Variants in CCDC174 observed in about 807,000 individuals in gnomAD.
The protein encoded by CCDC174 is coiled-coil domain containing 174.
CCDC174 carries 37 observed loss-of-function variants against 57.1 expected under a neutral mutation model. The observed-to-expected ratio is 0.65, with a 90% CI of 0.50 to 0.85. The LOEUF (loss-of-function observed/expected upper bound fraction) is 0.85. CCDC174 is among the 40% of genes least tolerant of loss of function. The pLI is 0.00. For missense variants in CCDC174, 540 were observed against 574.3 expected, an observed-to-expected ratio of 0.94 and a Z score of 0.61; for synonymous variants, 182 against 190.2, an observed-to-expected ratio of 0.96 and a Z score of 0.35.
chr3:14,666,440 T>G (rs918754791), intron 6 of CCDC174, among the ~76,000 whole-genome samples: 1 of 151,984 alleles, frequency 6.6e-6, no homozygotes, highest in Non-Finnish European at 1.5e-5. Context: ...CTAGCCAACA[T>G]GGTGAAACCC....
chr3:14,656,355 G>C (rs968396242), intron 3 of CCDC174, among the ~76,000 whole-genome samples: 2 of 152,144 alleles, frequency 1.3e-5, no homozygotes, highest in South Asian at 4.1e-4. Context: ...CTTTAATCTA[G>C]AACTGTTCCC....
chr3:14,661,797 T>C (rs2031149504), intron 5 of CCDC174, 90 bp downstream of exon 5: 11 of 1,121,348 alleles, frequency 9.8e-6, no homozygotes, highest in Non-Finnish European at 1.3e-5. Context: ...TATCGAGCCA[T>C]TTCTCTTTAT....
intron 3 of CCDC174, among the ~76,000 whole-genome samples, chr3:14,656,025 G>A (rs1402170041): frequency 2.0e-5 from 3 of 152,094 alleles, no homozygotes; most frequent in East Asian, 1.9e-4. Flanking sequence ...AAATTCCCCA[G>A]TTAACATCTT....
chr3:14,664,985 A>T (rs756067063), intron 5 of CCDC174, 43 bp from the exon 6 acceptor site: 1 of 1,416,064 alleles, frequency 7.1e-7, no homozygotes, highest in East Asian at 2.3e-5. Flanking sequence ...GGGCTTGTAC[A>T]TGTGTACAAG....
At chr3:14,656,364 C>T (rs766312380) in intron 3 of CCDC174, among the ~76,000 whole-genome samples, 5 of 152,224 alleles carry the variant, frequency 3.3e-5, no homozygotes, top group Admixed American at 2.0e-4. Flanking sequence ...AGAACTGTTC[C>T]CTTGCCTTTT....
At chr3:14,666,156 C>T (rs2031331866) in intron 6 of CCDC174, among the ~76,000 whole-genome samples, 1 of 152,062 alleles carries the variant, frequency 6.6e-6, no homozygotes, top group South Asian at 2.1e-4. Context: ...AAGCAGTTTT[C>T]ATGTCCCCAG....
chr3:14,665,348 CTT>C (rs1464814839), intron 6 of CCDC174, among the ~76,000 whole-genome samples: 1 of 152,200 alleles, frequency 6.6e-6, no homozygotes, highest in Non-Finnish European at 1.5e-5. Flanking sequence ...AGAGCTGTCT[CTT>C]TTACTTGGAA....
intron 10 of CCDC174, 67 bp downstream of exon 10, chr3:14,670,153 G>T: frequency 6.6e-7 from 1 of 1,504,174 alleles, no homozygotes; most frequent in Non-Finnish European, 9.0e-7. Flanking sequence ...TTTTCTAGAA[G>T]CACTTGGGGT....
At chr3:14,656,257 A>C (rs911041500) in intron 3 of CCDC174, among the ~76,000 whole-genome samples, 10 of 152,202 alleles carry the variant, frequency 6.6e-5, no homozygotes, top group African/African-American at 2.4e-4. Context: ...CAGTTATCCC[A>C]GTACAATTAT....
intron 1 of CCDC174, among the ~76,000 whole-genome samples, chr3:14,652,958 T>C (rs2124827586): frequency 6.6e-6 from 1 of 152,160 alleles, no homozygotes; most frequent in African/African-American, 2.4e-5. Context: ...TCACTCACTC[T>C]ACTTGACTCC....
chr3:14,668,710 G>A (rs1390265273), intron 9 of CCDC174, among the ~76,000 whole-genome samples: 4 of 152,148 alleles, frequency 2.6e-5, no homozygotes, highest in Admixed American at 2.6e-4. Flanking sequence ...TATTGCATGA[G>A]TTGTGGTAGT....
chr3:14,654,809 T>G (rs2030896267), intron 2 of CCDC174, among the ~76,000 whole-genome samples: 1 of 152,230 alleles, frequency 6.6e-6, no homozygotes, highest in African/African-American at 2.4e-5. Flanking sequence ...TCTATAAGTG[T>G]TAGGTATCCA....
chr3:14,657,415 T>G (rs184326404), intron 3 of CCDC174, among the ~76,000 whole-genome samples: 1 of 152,372 alleles, frequency 6.6e-6, no homozygotes, highest in Non-Finnish European at 1.5e-5. Context: ...TGTCTGGCAC[T>G]TAGAGGTTGC....
At chr3:14,667,661 T>C (rs1269845041) in intron 8 of CCDC174, 143 bp downstream of exon 8, 22 of 672,814 alleles carry the variant, frequency 3.3e-5, no homozygotes, top group Non-Finnish European at 4.8e-5. Context: ...CATACTATTT[T>C]TGTGTTTCAA....
At chr3:14,667,149 A>G (rs2031369412) in intron 7 of CCDC174, 2 of 620,784 alleles carry the variant, frequency 3.2e-6, no homozygotes, top group South Asian at 2.2e-5. Flanking sequence ...AGGGTCTGGT[A>G]ATCCAAGGGA....
chr3:14,670,726 G>A (rs1412456184), intron 10 of CCDC174, among the ~76,000 whole-genome samples, 170 bp from the exon 11 acceptor site: 1 of 152,086 alleles, frequency 6.6e-6, no homozygotes, highest in Non-Finnish European at 1.5e-5. Context: ...TTTTATACTC[G>A]TTGTAGGTAT....
intron 10 of CCDC174, among the ~76,000 whole-genome samples, chr3:14,670,425 A>G (rs1037405964): frequency 6.6e-6 from 1 of 152,224 alleles, no homozygotes; most frequent in African/African-American, 2.4e-5. Flanking sequence ...ACTATGGTTT[A>G]TGCCTCTTTG....
At chr3:14,658,412 A>T (rs756442542) in intron 3 of CCDC174, among the ~76,000 whole-genome samples, 10 of 152,260 alleles carry the variant, frequency 6.6e-5, no homozygotes, top group Non-Finnish European at 1.0e-4. Context: ...TTCCAGAATA[A>T]AGAATTGCTT....
chr3:14,665,193 G>A, intron 6 of CCDC174, 70 bp downstream of exon 6: 3 of 1,036,124 alleles, frequency 2.9e-6, no homozygotes, highest in South Asian at 1.3e-5. Flanking sequence ...TTTGTGAGGG[G>A]AGGCTGTTTT....
Sources: allele counts gnomAD v4.1 joint callset (sites outside exome capture counted in the v4.1 genomes callset), GRCh38; gene constraint gnomAD v4.1.1; transcripts MANE v1.5; gene names NCBI Gene and HGNC (gene_info 2026-07-23, HGNC 2026-07-21).